The following HMCN2 variants were observed in gnomAD, a reference collection of about 807,000 sequenced individuals.
The protein encoded by HMCN2 is hemicentin-2.
HMCN2 carries 325 observed loss-of-function variants against 377.5 expected under a neutral mutation model. The ratio of observed to expected loss-of-function variants is 0.86; its 90% CI spans 0.79 to 0.94. HMCN2 has a LOEUF of 0.94. Ranked by LOEUF, HMCN2 falls within the 40% of genes least tolerant of loss-of-function variation. The pLI is 0.00. For synonymous variants in HMCN2, 2,007 were observed against 2,046.8 expected (o/e 0.98, Z 0.53); for missense variants, 4,543 against 4,725.3 (o/e 0.96, Z 1.13).
chr9:130,348,920 T>C, intron 27 of HMCN2, 64 bp from the exon 28 acceptor site: 1 of 1,272,376 alleles, frequency 7.9e-7, no homozygotes, highest in Non-Finnish European at 1.0e-6. Context: ...GTTTCCTCAT[T>C]ACTGATGCTG....
Position 130,360,744 on chromosome 9 carries a change from C to G in HMCN2, c.5950+140C>G, listed in dbSNP as rs1840337889. ...ATCCGTTACCCCATCCATCCATCATCCATCCAACCATCCATCCATCCATCC... is the reference window on the plus strand; with the variant it reads ...ATCCGTTACCCCATCCATCCATCATGCATCCAACCATCCATCCATCCATCC... On this transcript the variant is annotated intron_variant, in intron 38 of 97. Coordinates refer to ENST00000683500, the MANE Select transcript of HMCN2 (RefSeq NM_001291815.2). The surrounding 1 kb of genome is among the most constrained non-coding windows in gnomAD (Gnocchi z 4.7). 2.9e-6 allele frequency: 1 copy of G among 347,296 alleles called. No individual in the cohort carries two copies. The highest frequency in any genetic ancestry group is 9.6e-5 in the East Asian group (1 of 10,470). 21.5% of individuals were successfully genotyped at this position (347,296 alleles called of 1,614,324 possible). A position where few individuals can be genotyped will look rare whatever the true frequency, so the allele number is the denominator to read the frequency against.
At chr9:130,362,328 GC>G (rs34558135) in intron 39 of HMCN2, among the ~76,000 whole-genome samples, 163 bp downstream of exon 39, 1 of 152,198 alleles carries the variant, frequency 6.6e-6, no homozygotes, top group Admixed American at 6.5e-5. Flanking sequence ...GAGCCACACT[GC>G]CCAATGGTAA....
At chr9:130,357,622 TA>T (rs762305507) in intron 34 of HMCN2, among the ~76,000 whole-genome samples, 2 of 152,154 alleles carry the variant, frequency 1.3e-5, no homozygotes, top group Non-Finnish European at 2.9e-5. Context: ...GGAGAATTTT[TA>T]AAGAGAATAA....
At position 130,388,474 on chromosome 9, in the gene HMCN2, C is replaced by G; in HGVS notation, c.9457C>G (p.Leu3153Val). ...CCAGGTGGCTGGGAGCCCCCTGGTCCTGACCTGTGATGTGTCCGGGGTCCC... is the reference window on the plus strand; with the variant it reads ...CCAGGTGGCTGGGAGCCCCCTGGTCGTGACCTGTGATGTGTCCGGGGTCCC... ...VSQVAGSPLVLTCDVSGVPAP... is the reference protein window; with the variant it reads ...VSQVAGSPLVVTCDVSGVPAP... Residue 3153 changes from leucine (L) to valine (V), a missense_variant, in exon 62 of 98, where the codon CTG becomes GTG. Physicochemically the swap from Leu to Val is conservative, Grantham distance 32. This residue lies in a region of HMCN2 where 736 missense variants were observed against 773.2 expected (regional missense o/e 0.95). Transcript: ENST00000683500. 1 of 988,070 alleles carries G rather than the reference C, an allele frequency of 1.0e-6. No individual in the cohort carries two copies. The highest frequency in any genetic ancestry group is 4.7e-5 in the South Asian group (1 of 21,386). The allele number at this position is 988,070 out of a possible 1,614,324, so 61.2% of individuals were successfully genotyped here.
intron 85 of HMCN2, among the ~76,000 whole-genome samples, chr9:130,412,547 CTTTTCT>C (rs1407629427): frequency 3.5e-5 from 5 of 141,108 alleles, no homozygotes; most frequent in African/African-American, 1.3e-4. Flanking sequence ...TTTTTCTTTT[CTTTTCT>C]TTTCTTTCTT....
intron 1 of HMCN2, among the ~76,000 whole-genome samples, chr9:130,271,152 G>A (rs4836699): frequency 0.42 from 62,547 of 147,994 alleles, 17,016 homozygotes; most frequent in East Asian, 0.91. Flanking sequence ...ACGCTATCAC[G>A]GTGATGGAAC....
chr9:130,421,798 C>T (rs998157218), intron 86 of HMCN2, among the ~76,000 whole-genome samples: 1 of 152,212 alleles, frequency 6.6e-6, no homozygotes, highest in Admixed American at 6.5e-5. Context: ...CCAAATTAAC[C>T]AGCCCCTTGA....
intron 96 of HMCN2, 62 bp from the exon 97 acceptor site, chr9:130,432,367 C>A: frequency 6.6e-7 from 1 of 1,508,104 alleles, no homozygotes; most frequent in Non-Finnish European, 9.0e-7. Context: ...CACGCACTCC[C>A]CCCTTCTCCT....
intron 86 of HMCN2, among the ~76,000 whole-genome samples, chr9:130,421,835 G>T (rs1844033096): frequency 6.6e-6 from 1 of 152,172 alleles, no homozygotes; most frequent in Non-Finnish European, 1.5e-5. Flanking sequence ...CCTAGCACTT[G>T]AGTGTTTTAT....
chr9:130,433,695 C>T lies in HMCN2; in HGVS notation c.*2C>T. ...GCCGTGTCCCCCTACCCCTACTAAA[C>T]GGGAGAGGGCATTGGCGGCCGCCCT... On this transcript the variant is annotated 3_prime_UTR_variant, in exon 98 of 98. Coordinates refer to ENST00000683500, the MANE Select transcript of HMCN2 (RefSeq NM_001291815.2). The T allele has an allele frequency of 6.8e-7, 1 of 1,466,626 alleles. No homozygotes were observed. The allele number at this position is 1,466,626 out of a possible 1,614,324, so 90.9% of individuals were successfully genotyped here.
chr9:130,318,582 C>T (rs1837689699), intron 15 of HMCN2, among the ~76,000 whole-genome samples: 1 of 152,162 alleles, frequency 6.6e-6, no homozygotes, highest in African/African-American at 2.4e-5. Flanking sequence ...ACACTGCAAG[C>T]TATTAACAGT....
chr9:130,429,601 C>A lies in HMCN2; in HGVS notation c.14242C>A (p.Gln4748Lys), dbSNP rs1178059895. ...LEGLDDCHYNQLCENTPGGHR... is the reference protein window; with the variant it reads ...LEGLDDCHYNKLCENTPGGHR... The stretch of plus-strand genomic sequence containing the variant: ...GGGGTTGGACGACTGTCACTACAAC[C>A]AGCTCTGCGAGAACACCCCAGGCGG... The change falls in exon 94 of 98, where the codon CAG becomes AAG. Residue 4748 changes from glutamine to lysine, a missense_variant. Gln to Lys is a moderately conservative substitution (Grantham distance 53). Coordinates refer to ENST00000683500, the MANE Select transcript of HMCN2 (RefSeq NM_001291815.2). 3.2e-6 allele frequency: 5 copies of A among 1,550,256 alleles called. No individual in the cohort carries two copies. The highest frequency in any genetic ancestry group is 1.7e-4 in the Middle Eastern group (1 of 6,012).
intron 37 of HMCN2, among the ~76,000 whole-genome samples, chr9:130,359,868 G>A (rs1840266752): frequency 6.6e-6 from 1 of 152,122 alleles, no homozygotes; most frequent in African/African-American, 2.4e-5. Context: ...TGCTTTGCTT[G>A]TTGCCTGTGA....
chr9:130,420,095 G>A (rs1356197679), intron 86 of HMCN2, among the ~76,000 whole-genome samples: 6 of 124,108 alleles, frequency 4.8e-5, no homozygotes, highest in African/African-American at 6.5e-5. Flanking sequence ...TTTTTGAGAC[G>A]GAGTCTCTCA....
chr9:130,374,479 C>G (rs1841268213), intron 48 of HMCN2, 23 bp from the exon 49 acceptor site: 1 of 985,214 alleles, frequency 1.0e-6, no homozygotes, highest in African/African-American at 1.7e-5. Context: ...GCCAAATTGT[C>G]TCATTCTCTG....
intron 22 of HMCN2, among the ~76,000 whole-genome samples, 193 bp from the exon 23 acceptor site, chr9:130,337,701 C>T (rs926864557): frequency 1.3e-5 from 2 of 150,956 alleles, no homozygotes; most frequent in African/African-American, 2.4e-5. Context: ...TCTTCTCTTA[C>T]ACCAGTAGGC....
In HMCN2 at chr9:130,332,245, A is replaced by G. The variant is rs1049369673; in HGVS notation, c.3359+4770A>G. On this transcript the variant is annotated intron_variant, in intron 22 of 97. Transcript: ENST00000683500. ...GGCAGTGGCTGTCTTTCTGGAGAAC[A>G]TTTAAGTTTCCTCGCCTTCAGAGCC... 2.8e-4 allele frequency among the ~76,000 whole-genome samples: 42 copies of G among 152,266 alleles called. No homozygotes were observed. The South Asian group carries it at 8.1e-3, about 29-fold the overall frequency.
rs748187429 is a variant in HMCN2 at position 130,418,850 on chromosome 9, C to T, written c.13040C>T (p.Thr4347Ile). The T allele has an allele frequency of 1.3e-6, 2 of 1,547,280 alleles. No homozygotes were observed. The highest frequency in any genetic ancestry group is 1.7e-6 in the Non-Finnish European group (2 of 1,144,832). The change falls in exon 86 of 98, where the codon ACT (threonine) becomes ATT (isoleucine). Residue 4347 changes from threonine to isoleucine, a missense_variant. By Grantham distance (89) the Thr-to-Ile change is moderately conservative. This residue lies in a region of HMCN2 where 1,155 missense variants were observed against 1,157.7 expected (regional missense o/e 1.00). Transcript: ENST00000683500. ...GACGTGGCCCTGCGGTGCCAGGCCA[C>T]TGGAGAGCCCACACCCACCATTGAA... is the stretch of plus-strand genomic sequence containing the variant. ...GDDVALRCQATGEPTPTIEWL... is the reference protein window; with the variant it reads ...GDDVALRCQAIGEPTPTIEWL...
Position 130,410,665 on chromosome 9 carries a change from C to T in HMCN2, c.12961+13C>T, listed in dbSNP as rs1009364545. 19 of 1,549,958 alleles carry T rather than the reference C, an allele frequency of 1.2e-5. No individual in the cohort carries two copies. In the African/African-American group the frequency reaches 1.6e-4, roughly 13 times the overall value. ...CTCGTCCTGCAGAGTGAGTCTCGGC[C>T]TCAGCAGAGTGGGGACGTGGGAAGT... On this transcript the variant is annotated intron_variant, in intron 85 of 97. Coordinates refer to ENST00000683500, the MANE Select transcript of HMCN2 (RefSeq NM_001291815.2).
Sources: allele counts gnomAD v4.1 joint callset (sites outside exome capture counted in the v4.1 genomes callset), GRCh38; gene constraint gnomAD v4.1.1; regional missense constraint gnomAD v4.1.1; non-coding constraint Gnocchi (gnomAD v3.1); transcripts MANE v1.5; gene names NCBI Gene and HGNC (gene_info 2026-07-23, HGNC 2026-07-21).